ZBTB20: variants seen among roughly 807,000 people sequenced by gnomAD.
ZBTB20 encodes zinc finger and BTB domain-containing protein 20.
In ZBTB20, 9 loss-of-function variants were observed where a neutral mutation model predicts 56.9. The ratio of observed to expected loss-of-function variants is 0.16; its 90% CI spans 0.10 to 0.28. The LOEUF is 0.28. Ranked by LOEUF, ZBTB20 falls within the 10% of genes least tolerant of loss-of-function variation. ZBTB20 has a pLI of 1.00. For synonymous variants in ZBTB20, 417 were observed against 420.7 expected, an observed-to-expected ratio of 0.99 and a Z score of 0.11; for missense variants, 655 against 1,003.0, an observed-to-expected ratio of 0.65 and a Z score of 4.69.
rs1346737780 is a variant in ZBTB20, at chr3:114,787,366, TATAC to T, written c.-343+13731_-343+13734del. Among the ~76,000 whole-genome samples, 251 of 82,898 alleles carry T rather than the reference TATAC, an allele frequency of 3.0e-3. 4 individuals carry two copies. Among genetic ancestry groups the T allele is most frequent in the African/African-American group, 0.012 (225 of 19,008 alleles). 54.4% of individuals were successfully genotyped at this position (82,898 alleles called of 152,430 possible). On this transcript the variant is annotated intron_variant, in intron 5 of 11. Transcript: ENST00000675478. ...ATATATATATATATATATATATATATATACACACACACACACACACACACACATA... is the reference window on the plus strand; with the variant it reads ...ATATATATATATATATATATATATATACACACACACACACACACACACATA...
In ZBTB20 at chr3:114,446,416, A is replaced by G. The variant is rs139363509; in HGVS notation, c.-255+53936T>C. On this transcript the variant is annotated intron_variant, in intron 7 of 11. Transcript: ENST00000675478. The stretch of plus-strand genomic sequence containing the variant: ...TGGAATTGATTCTGAGTTTCCATCA[A>G]TTTTACTCTTTGCTCTTTGTGAGAA... 4.6e-5 allele frequency among the ~76,000 whole-genome samples: 7 copies of G among 152,244 alleles called. No homozygotes were observed. The East Asian group carries it at 1.4e-3, about 29-fold the overall frequency.
intron 7 of ZBTB20, among the ~76,000 whole-genome samples, chr3:114,454,141 G>C (rs1450759058): frequency 6.8e-6 from 1 of 148,070 alleles, no homozygotes; most frequent in Non-Finnish European, 1.5e-5. Flanking sequence ...CAGAGAGAGA[G>C]GAAGAGAGAG....
chr3:114,965,287 C>G lies in ZBTB20; in HGVS notation c.-456+9079G>C, dbSNP rs375205478. On this transcript the variant is annotated intron_variant, in intron 3 of 11. Transcript: ENST00000675478. ...CATGCTATTTTTAACGCATGCCTTA[C>G]TCCACATATTTTTGTAGTGAGAAGA... Among the ~76,000 whole-genome samples, 355 of 152,206 alleles carry G rather than the reference C, an allele frequency of 2.3e-3. 2 individuals carry two copies. The highest frequency in any genetic ancestry group is 8.4e-3 in the African/African-American group (349 of 41,518).
At chr3:115,029,237 A>G (rs2080562776) in intron 2 of ZBTB20, among the ~76,000 whole-genome samples, 1 of 150,884 alleles carries the variant, frequency 6.6e-6, no homozygotes, top group Non-Finnish European at 1.5e-5. Context: ...AAAAATTTTG[A>G]ATAAATTAAG....
chr3:114,767,943 A>G (rs959253726), intron 5 of ZBTB20, among the ~76,000 whole-genome samples: 1 of 152,152 alleles, frequency 6.6e-6, no homozygotes, highest in Non-Finnish European at 1.5e-5. Context: ...AAGAAAAAGC[A>G]TATTTACAAA....
At chr3:114,430,000 A>T (rs910765465) in intron 7 of ZBTB20, among the ~76,000 whole-genome samples, 1 of 144,902 alleles carries the variant, frequency 6.9e-6, no homozygotes, top group Admixed American at 7.0e-5. Flanking sequence ...GACTGTACTT[A>T]ATCTCCAAGT....
intron 6 of ZBTB20, among the ~76,000 whole-genome samples, chr3:114,550,099 A>G (rs949863556): frequency 5.3e-5 from 8 of 150,814 alleles, no homozygotes; most frequent in Non-Finnish European, 8.9e-5. Context: ...CACCATGCCT[A>G]GCTAATTTTT....
At chr3:114,457,889 T>C (rs780073217) in intron 7 of ZBTB20, among the ~76,000 whole-genome samples, 1 of 152,188 alleles carries the variant, frequency 6.6e-6, no homozygotes, top group Non-Finnish European at 1.5e-5. Flanking sequence ...ACACAGTAGG[T>C]ATTCAGTCAA....
chr3:114,462,629 T>C (rs1051968269), intron 7 of ZBTB20, among the ~76,000 whole-genome samples: 4 of 152,164 alleles, frequency 2.6e-5, no homozygotes, highest in Non-Finnish European at 2.9e-5. Context: ...AGAAAATATG[T>C]ATATCCTGGT....
chr3:114,801,906 A>T (rs2056535), intron 4 of ZBTB20, among the ~76,000 whole-genome samples: 135,487 of 151,896 alleles, frequency 0.89, 61,153 homozygotes, highest in East Asian at 0.98. Context: ...ATATGTACTT[A>T]TAATTCCAAA....
chr3:114,656,904 C>T (rs1447347509), intron 6 of ZBTB20, among the ~76,000 whole-genome samples: 1 of 152,160 alleles, frequency 6.6e-6, no homozygotes, highest in Non-Finnish European at 1.5e-5. Flanking sequence ...TACGCCACCA[C>T]ATCTGGTGGA....
At chr3:114,802,016 C>T (rs1284095532) in intron 4 of ZBTB20, among the ~76,000 whole-genome samples, 1 of 151,712 alleles carries the variant, frequency 6.6e-6, no homozygotes, top group Admixed American at 6.6e-5. Context: ...TCAAACAACA[C>T]CATCTATAAA....
intron 5 of ZBTB20, among the ~76,000 whole-genome samples, chr3:114,728,812 G>A (rs763540618): frequency 6.6e-6 from 1 of 152,182 alleles, no homozygotes; most frequent in Non-Finnish European, 1.5e-5. Flanking sequence ...ACTTTTAAAA[G>A]TCACTCAATT....
chr3:114,649,083 C>T (rs1483287202), intron 6 of ZBTB20, among the ~76,000 whole-genome samples: 2 of 151,836 alleles, frequency 1.3e-5, no homozygotes, highest in African/African-American at 2.4e-5. Context: ...ATTTAATTAC[C>T]CCACAGTTTA....
intron 6 of ZBTB20, among the ~76,000 whole-genome samples, chr3:114,516,692 T>G (rs2046037763): frequency 6.6e-6 from 1 of 152,070 alleles, no homozygotes; most frequent in Non-Finnish European, 1.5e-5. Flanking sequence ...AGTGTACTTA[T>G]AAAAAAGAGA....
intron 7 of ZBTB20, among the ~76,000 whole-genome samples, chr3:114,392,087 A>C (rs1199078417): frequency 6.6e-6 from 1 of 152,212 alleles, no homozygotes; most frequent in East Asian, 1.9e-4. Context: ...AAAAACAAGG[A>C]AGCAAAGTTT....
At chr3:114,509,775 T>C (rs1204936766) in intron 6 of ZBTB20, among the ~76,000 whole-genome samples, 1 of 152,162 alleles carries the variant, frequency 6.6e-6, no homozygotes, top group East Asian at 1.9e-4. Context: ...ATAATCTCCA[T>C]TGGTTCCTGG....
intron 6 of ZBTB20, among the ~76,000 whole-genome samples, chr3:114,506,193 G>C (rs1163615268): frequency 6.6e-6 from 1 of 152,092 alleles, no homozygotes; most frequent in Non-Finnish European, 1.5e-5. Context: ...AGAACAATAA[G>C]AGAATGATAC....
intron 2 of ZBTB20, among the ~76,000 whole-genome samples, chr3:115,058,437 T>C (rs2081893258): frequency 6.6e-6 from 1 of 151,832 alleles, no homozygotes; most frequent in African/African-American, 2.4e-5. Flanking sequence ...AAATTTGAAA[T>C]ATTTTCAGTG....
Sources: gnomAD v4.1 joint callset for allele counts (sites outside exome capture counted in the v4.1 genomes callset) on GRCh38, gnomAD v4.1.1 for gene constraint, MANE v1.5 for transcripts, NCBI Gene and HGNC (gene_info 2026-07-23, HGNC 2026-07-21) for gene names.